CLSTN2: variants seen among roughly 807,000 people sequenced by gnomAD.
The protein encoded by CLSTN2 is calsyntenin-2.
Under a neutral mutation model 101.2 loss-of-function variants are expected in CLSTN2, and 48 were observed. The observed-to-expected ratio is 0.47, with a 90% CI of 0.38 to 0.60. CLSTN2 has a LOEUF of 0.60. Ranked by LOEUF, CLSTN2 falls within the 20% of genes least tolerant of loss-of-function variation. The pLI is 0.00. For synonymous variants in CLSTN2, 481 were observed against 463.6 expected (o/e 1.04, Z -0.48); for missense variants, 1,160 against 1,238.2 (o/e 0.94, Z 0.95).
chr3:140,448,781 CT>C, intron 6 of CLSTN2, 77 bp downstream of exon 6: 1 of 1,291,524 alleles, frequency 7.7e-7, no homozygotes. Context: ...ATCTTATTGT[CT>C]TAGGCAAGAA....
intron 2 of CLSTN2, among the ~76,000 whole-genome samples, chr3:140,182,333 T>C (rs2107832195): frequency 6.6e-6 from 1 of 152,110 alleles, no homozygotes; most frequent in Non-Finnish European, 1.5e-5. Flanking sequence ...ATTTAGGCAG[T>C]TTATGGAAGC....
intron 2 of CLSTN2, among the ~76,000 whole-genome samples, chr3:140,367,600 A>G (rs184130075): frequency 1.2e-3 from 179 of 151,362 alleles, no homozygotes; most frequent in South Asian, 1.9e-3. Flanking sequence ...ACTAGAAGCT[A>G]TTTTACTTCT....
intron 2 of CLSTN2, among the ~76,000 whole-genome samples, chr3:140,348,591 A>G (rs1321419931): frequency 6.6e-6 from 1 of 152,150 alleles, no homozygotes; most frequent in Non-Finnish European, 1.5e-5. Flanking sequence ...TTAGGGAATT[A>G]TTTTAAAATC....
chr3:140,151,320 G>T (rs774631200), intron 1 of CLSTN2, among the ~76,000 whole-genome samples: 6 of 152,006 alleles, frequency 3.9e-5, no homozygotes, highest in Non-Finnish European at 7.4e-5. Flanking sequence ...AATCCCTTAA[G>T]ACCTCTGGGA....
At chr3:140,312,708 A>G (rs2087182902) in intron 2 of CLSTN2, among the ~76,000 whole-genome samples, 1 of 152,254 alleles carries the variant, frequency 6.6e-6, no homozygotes, top group African/African-American at 2.4e-5. Flanking sequence ...CTGTAAAACC[A>G]CAATGAAATT....
chr3:140,001,775 AC>A (rs1242383280), intron 1 of CLSTN2, among the ~76,000 whole-genome samples: 2 of 150,094 alleles, frequency 1.3e-5, no homozygotes, highest in East Asian at 3.9e-4. Context: ...CCCTCTTACT[AC>A]CCATCCCAAC....
intron 1 of CLSTN2, among the ~76,000 whole-genome samples, chr3:140,016,979 T>A (rs1163282494): frequency 2.0e-5 from 3 of 152,168 alleles, no homozygotes; most frequent in African/African-American, 7.2e-5. Flanking sequence ...GCACAAGCGA[T>A]GTCGGTGTCC....
At chr3:140,444,653 T>C (rs1316566145) in intron 5 of CLSTN2, among the ~76,000 whole-genome samples, 1 of 152,180 alleles carries the variant, frequency 6.6e-6, no homozygotes, top group Non-Finnish European at 1.5e-5. Flanking sequence ...ACCAATAATA[T>C]ATCTATTGGT....
intron 1 of CLSTN2, among the ~76,000 whole-genome samples, chr3:139,946,638 G>A (rs1935219896): frequency 6.6e-6 from 1 of 152,170 alleles, no homozygotes; most frequent in South Asian, 2.1e-4. Context: ...CCTTGGTGAG[G>A]GGCAGAGGCT....
chr3:140,412,563 A>G (rs1241037074), intron 4 of CLSTN2, among the ~76,000 whole-genome samples: 1 of 152,228 alleles, frequency 6.6e-6, no homozygotes, highest in African/African-American at 2.4e-5. Context: ...CTGTGTTAAG[A>G]GTGACTGAGT....
At chr3:140,325,495 A>T (rs772033545) in intron 2 of CLSTN2, among the ~76,000 whole-genome samples, 1 of 152,214 alleles carries the variant, frequency 6.6e-6, no homozygotes, top group Non-Finnish European at 1.5e-5. Context: ...AAGAAGCCAA[A>T]TGTATTGTAA....
chr3:140,069,363 T>A (rs558573629), intron 1 of CLSTN2, among the ~76,000 whole-genome samples: 1 of 152,126 alleles, frequency 6.6e-6, no homozygotes, highest in East Asian at 1.9e-4. Context: ...AGACACCAGA[T>A]CAATGGTAGG....
chr3:140,491,740 T>A (rs895879911), intron 8 of CLSTN2, among the ~76,000 whole-genome samples: 3 of 152,172 alleles, frequency 2.0e-5, no homozygotes, highest in Non-Finnish European at 4.4e-5. Context: ...GAGAATCACC[T>A]GAGCCCAGGA....
chr3:140,374,134 A>C (rs114183994), intron 2 of CLSTN2, among the ~76,000 whole-genome samples: 166 of 152,298 alleles, frequency 1.1e-3, no homozygotes, highest in African/African-American at 3.7e-3. Flanking sequence ...CCCTGACTTC[A>C]GCATATTCCA....
In CLSTN2 at chr3:140,206,496, G is replaced by T. The variant is rs147102765; in HGVS notation, c.232+30423G>T. ...AATGAGCTTGAAGTGCTTCAGGCTG[G>T]CTCTGGCTTCTTAATACCCATCGGC... On this transcript the variant is annotated intron_variant, in intron 2 of 16. Transcript: ENST00000458420. Among the ~76,000 whole-genome samples the T allele has an allele frequency of 1.6e-4, 24 of 152,288 alleles. No individual in the cohort carries two copies. The East Asian group carries it at 3.1e-3, about 20-fold the overall frequency.
At chr3:140,548,555 A>T (rs2107787784) in intron 10 of CLSTN2, among the ~76,000 whole-genome samples, 1 of 152,264 alleles carries the variant, frequency 6.6e-6, no homozygotes, top group East Asian at 1.9e-4. Context: ...ATAGGTAGGA[A>T]CCAGCTAGGA....
intron 1 of CLSTN2, among the ~76,000 whole-genome samples, chr3:140,023,002 GA>G (rs1426001511): frequency 6.6e-6 from 1 of 152,198 alleles, no homozygotes; most frequent in Non-Finnish European, 1.5e-5. Flanking sequence ...AAATTGGGAG[GA>G]AAGGGCTTCA....
At chr3:140,027,767 C>T (rs529671437) in intron 1 of CLSTN2, among the ~76,000 whole-genome samples, 1 of 152,266 alleles carries the variant, frequency 6.6e-6, no homozygotes, top group South Asian at 2.1e-4. Flanking sequence ...ACTGACAAAT[C>T]CCTGGGCTAT....
At chr3:140,307,488 T>C (rs756372181) in intron 2 of CLSTN2, among the ~76,000 whole-genome samples, 1 of 152,196 alleles carries the variant, frequency 6.6e-6, no homozygotes, top group East Asian at 1.9e-4. Context: ...AAAAGTTTGA[T>C]CTAATAACCT....
Sources: gnomAD v4.1 joint callset for allele counts (sites outside exome capture counted in the v4.1 genomes callset) on GRCh38, gnomAD v4.1.1 for gene constraint, MANE v1.5 for transcripts, NCBI Gene and HGNC (gene_info 2026-07-23, HGNC 2026-07-21) for gene names.